MYO1D: variants seen among roughly 807,000 people sequenced by gnomAD.
MYO1D encodes unconventional myosin-Id.
MYO1D carries 83 observed loss-of-function variants against 122.0 expected under a neutral mutation model. The observed-to-expected ratio is 0.68, with a 90% CI of 0.57 to 0.82. MYO1D has a LOEUF of 0.82. Ranked by LOEUF, MYO1D falls within the 40% of genes least tolerant of loss-of-function variation. The pLI is 0.00. For missense variants in MYO1D, 1,157 were observed against 1,269.5 expected (o/e 0.91, Z 1.35); for synonymous variants, 464 against 446.9 (o/e 1.04, Z -0.48).
At chr17:32,805,984 T>C (rs767148438) in intron 1 of MYO1D, among the ~76,000 whole-genome samples, 12 of 152,112 alleles carry the variant, frequency 7.9e-5, no homozygotes, top group Non-Finnish European at 1.8e-4. Context: ...TATGGCCGGG[T>C]GCAGTGGCTC....
chr17:32,767,313 T>C (rs1166770978), intron 7 of MYO1D, among the ~76,000 whole-genome samples: 2 of 152,200 alleles, frequency 1.3e-5, no homozygotes, highest in African/African-American at 4.8e-5. Flanking sequence ...TGATTCTATG[T>C]TTCAAATGCC....
intron 20 of MYO1D, among the ~76,000 whole-genome samples, chr17:32,606,504 C>G (rs964461692): frequency 3.3e-5 from 5 of 152,048 alleles, no homozygotes; most frequent in Admixed American, 2.6e-4. Flanking sequence ...ACAACATGAC[C>G]AAGTGGAGTT....
rs570129486 is a variant in MYO1D at position 32,508,284 on chromosome 17, T to C, written c.2865-13369A>G. ...TCAAGCCACCCAGTCTATGGTATCT[T>C]TTTTTTTTGAGACAGAGTCTTGCTC... is the stretch of plus-strand genomic sequence containing the variant. On this transcript the variant is annotated intron_variant, in intron 21 of 21. Coordinates refer to ENST00000318217, the MANE Select transcript of MYO1D (RefSeq NM_015194.3). Among the ~76,000 whole-genome samples the C allele has an allele frequency of 1.1e-4, 15 of 140,548 alleles. No homozygotes were observed. The South Asian group carries it at 3.1e-3, about 29-fold the overall frequency. 92.2% of individuals were successfully genotyped at this position (140,548 alleles called of 152,430 possible).
chr17:32,859,395 A>G (rs2091051710), intron 1 of MYO1D, among the ~76,000 whole-genome samples: 6 of 152,004 alleles, frequency 3.9e-5, no homozygotes, highest in Admixed American at 3.9e-4. Context: ...CTCTTTTTCC[A>G]TACTCAGGTC....
chr17:32,586,439 T>C (rs771692917), intron 21 of MYO1D, among the ~76,000 whole-genome samples: 8 of 152,180 alleles, frequency 5.3e-5, no homozygotes, highest in Non-Finnish European at 1.0e-4. Flanking sequence ...ATTTTACATT[T>C]ATATAGTTGT....
rs529658788 is a variant in MYO1D, at chr17:32,711,072, A to G, written c.2121+916T>C. Among the ~76,000 whole-genome samples the G allele has an allele frequency of 2.0e-5, 3 of 152,320 alleles. No individual in the cohort carries two copies. The East Asian group carries it at 5.8e-4, about 29-fold the overall frequency. ...TCACCTAGGTATATATCCCAAGGAC[A>G]TCCTCACAGAGGTATATGATTTTTC... On this transcript the variant is annotated intron_variant, in intron 16 of 21. Transcript: ENST00000318217.
In MYO1D at chr17:32,547,647, T is replaced by C. The variant is rs572483790; in HGVS notation, c.2865-52732A>G. On this transcript the variant is annotated intron_variant, in intron 21 of 21. Coordinates refer to ENST00000318217, the MANE Select transcript of MYO1D (RefSeq NM_015194.3). Reference sequence around the variant, plus strand: ...ATCTCAGCCTGAGTATTTCCAGTGATAGAGAATTCACTATAGTAGCTCAGC... The same window carrying C: ...ATCTCAGCCTGAGTATTTCCAGTGACAGAGAATTCACTATAGTAGCTCAGC... 1.2e-3 allele frequency among the ~76,000 whole-genome samples: 179 copies of C among 152,342 alleles called. 1 individual carries two copies. Among genetic ancestry groups the C allele is most frequent in the African/African-American group, 4.1e-3 (169 of 41,592 alleles).
At chr17:32,857,382 G>C (rs1273952147) in intron 1 of MYO1D, among the ~76,000 whole-genome samples, 1 of 152,096 alleles carries the variant, frequency 6.6e-6, no homozygotes, top group Non-Finnish European at 1.5e-5. Context: ...TCAAGAGATA[G>C]AGACCATCCT....
intron 11 of MYO1D, among the ~76,000 whole-genome samples, chr17:32,750,766 C>T (rs1441978941): frequency 6.6e-6 from 1 of 152,152 alleles, no homozygotes; most frequent in African/African-American, 2.4e-5. Flanking sequence ...AGTCAGACCT[C>T]CACGGTTCAA....
chr17:32,788,702 G>T (rs923406713), intron 1 of MYO1D, among the ~76,000 whole-genome samples: 15 of 151,942 alleles, frequency 9.9e-5, no homozygotes, highest in Admixed American at 2.0e-4. Flanking sequence ...TTCAGATTTG[G>T]TTTTTTTGCT....
intron 15 of MYO1D, among the ~76,000 whole-genome samples, chr17:32,717,422 A>G (rs977005207): frequency 3.3e-5 from 5 of 152,206 alleles, no homozygotes; most frequent in African/African-American, 1.2e-4. Context: ...TTTAGATTTA[A>G]CAAAAAGTTT....
chr17:32,830,564 G>A (rs1053995625), intron 1 of MYO1D, among the ~76,000 whole-genome samples: 1 of 152,060 alleles, frequency 6.6e-6, no homozygotes, highest in Non-Finnish European at 1.5e-5. Context: ...GTAAATGAAA[G>A]GATACAGTGT....
chr17:32,790,409 C>G (rs2090338434), intron 1 of MYO1D, among the ~76,000 whole-genome samples: 1 of 152,150 alleles, frequency 6.6e-6, no homozygotes, highest in Non-Finnish European at 1.5e-5. Context: ...AAATTTCACA[C>G]AAGTTCCTTA....
intron 21 of MYO1D, among the ~76,000 whole-genome samples, chr17:32,601,505 G>A (rs763492299): frequency 3.9e-5 from 6 of 152,132 alleles, no homozygotes; most frequent in Non-Finnish European, 5.9e-5. Context: ...AAAGATCACT[G>A]ATCAAAGCCC....
In MYO1D at chr17:32,870,604, AAAAAAAAAGAAAG is replaced by A. The variant is rs2091170222; in HGVS notation, c.95+6161_95+6173del. Among the ~76,000 whole-genome samples, 5 of 152,264 alleles carry A rather than the reference AAAAAAAAAGAAAG, an allele frequency of 3.3e-5. No homozygotes were observed. The South Asian group carries it at 1.0e-3, about 32-fold the overall frequency. On this transcript the variant is annotated intron_variant, in intron 1 of 21. Coordinates refer to ENST00000318217, the MANE Select transcript of MYO1D (RefSeq NM_015194.3). ...TTTGAGAAGATTGTCTGCTAAAAAA[AAAAAAAAAGAAAG>A]AAAAAAAAGAAATAATTCCATTGGT...
intron 21 of MYO1D, among the ~76,000 whole-genome samples, chr17:32,505,911 G>C (rs1567869728): frequency 2.0e-5 from 3 of 152,198 alleles, no homozygotes; most frequent in Non-Finnish European, 4.4e-5. Flanking sequence ...CTGAGAGCAA[G>C]GGCAAAACAA....
At chr17:32,758,743 G>C (rs2111915) in intron 10 of MYO1D, among the ~76,000 whole-genome samples, 5,861 of 152,198 alleles carry the variant, frequency 0.039, 371 homozygotes, top group African/African-American at 0.13. Context: ...ACTATGTTTA[G>C]AAGTTTGGGG....
At chr17:32,600,076 G>T (rs1049678730) in intron 21 of MYO1D, among the ~76,000 whole-genome samples, 2 of 152,188 alleles carry the variant, frequency 1.3e-5, no homozygotes, top group Non-Finnish European at 2.9e-5. Flanking sequence ...GTACATTTCC[G>T]TCAGTGCTCT....
chr17:32,716,920 G>A (rs996185151), intron 15 of MYO1D, among the ~76,000 whole-genome samples: 14 of 152,200 alleles, frequency 9.2e-5, no homozygotes, highest in Non-Finnish European at 1.3e-4. Flanking sequence ...GACTTTAGTA[G>A]CTTTTAAGGT....
Sources: allele counts gnomAD v4.1 joint callset (sites outside exome capture counted in the v4.1 genomes callset), GRCh38; gene constraint gnomAD v4.1.1; transcripts MANE v1.5; gene names NCBI Gene and HGNC (gene_info 2026-07-23, HGNC 2026-07-21).